Variants in XKR9 observed in about 807,000 individuals in gnomAD.
The protein encoded by XKR9 is XK-related protein 9.
In XKR9, 32 loss-of-function variants were observed where a neutral mutation model predicts 32.0. The observed-to-expected ratio is 1.00, with a 90% CI of 0.76 to 1.34. The LOEUF (loss-of-function observed/expected upper bound fraction) is 1.34. Ranked by LOEUF, XKR9 falls within the 40% of genes most tolerant of loss-of-function variation. The pLI is 0.00. For missense variants in XKR9, 546 were observed against 429.7 expected, an observed-to-expected ratio of 1.27 and a Z score of -2.39; for synonymous variants, 168 against 143.4, an observed-to-expected ratio of 1.17 and a Z score of -1.22.
chr8:70,765,268 T>A (rs1250827511), intron 2 of XKR9, among the ~76,000 whole-genome samples: 1 of 152,222 alleles, frequency 6.6e-6, no homozygotes, highest in Non-Finnish European at 1.5e-5. Flanking sequence ...TTTCCTGAAT[T>A]TTTAATGATC....
the XKR9 span, among the ~76,000 whole-genome samples, chr8:71,028,214 T>G: frequency 6.6e-6 from 1 of 152,240 alleles, no homozygotes; most frequent in Non-Finnish European, 1.5e-5. Context: ...TCTTTCCATT[T>G]ATTTGTGTTT....
At chr8:70,971,368 T>C in the XKR9 span, among the ~76,000 whole-genome samples, 2 of 152,290 alleles carry the variant, frequency 1.3e-5, no homozygotes, top group South Asian at 4.1e-4. Flanking sequence ...ATTAGTCCTT[T>C]GTTGGATGTG....
At chr8:70,757,705 C>T (rs1807248061) in intron 2 of XKR9, among the ~76,000 whole-genome samples, 1 of 152,098 alleles carries the variant, frequency 6.6e-6, no homozygotes, top group Non-Finnish European at 1.5e-5. Context: ...CCTGCCTTAG[C>T]CTCCCCAAGT....
At chr8:70,988,327 C>A in the XKR9 span, among the ~76,000 whole-genome samples, 8 of 108,304 alleles carry the variant, frequency 7.4e-5, no homozygotes, top group Non-Finnish European at 1.0e-4. Context: ...TTTTACCATG[C>A]GTGGTTAAAA....
the XKR9 span, among the ~76,000 whole-genome samples, chr8:71,035,643 A>G: frequency 2.0e-5 from 3 of 152,330 alleles, no homozygotes; most frequent in South Asian, 6.2e-4. Flanking sequence ...GACACAAGTA[A>G]GGGCTCAGTA....
the XKR9 span, among the ~76,000 whole-genome samples, chr8:70,865,807 C>T: frequency 4.6e-5 from 7 of 152,310 alleles, no homozygotes; most frequent in African/African-American, 1.7e-4. Context: ...AACACTTTAA[C>T]CAATCTGCTT....
At chr8:70,943,607 T>C in the XKR9 span, among the ~76,000 whole-genome samples, 3 of 152,104 alleles carry the variant, frequency 2.0e-5, no homozygotes, top group East Asian at 1.9e-4. Flanking sequence ...TGCAAGGTAA[T>C]AGGTCTTTTT....
the XKR9 span, among the ~76,000 whole-genome samples, chr8:70,845,973 C>T: frequency 6.6e-6 from 1 of 151,918 alleles, no homozygotes; most frequent in Admixed American, 6.6e-5. Context: ...TAGATACAAC[C>T]CAAAAAGGCC....
chr8:70,703,540 A>G (rs547451994), intron 3 of XKR9, among the ~76,000 whole-genome samples: 29 of 152,160 alleles, frequency 1.9e-4, no homozygotes, highest in African/African-American at 6.7e-4. Flanking sequence ...CATTCATTTT[A>G]TCATCTTCAA....
the XKR9 span, among the ~76,000 whole-genome samples, chr8:70,905,373 T>C: frequency 6.6e-6 from 1 of 152,244 alleles, no homozygotes; most frequent in Admixed American, 6.5e-5. Context: ...ATTAATTTGA[T>C]CTTAATCACT....
the XKR9 span, among the ~76,000 whole-genome samples, chr8:70,920,313 T>G: frequency 6.6e-6 from 1 of 152,156 alleles, no homozygotes; most frequent in Non-Finnish European, 1.5e-5. Flanking sequence ...TAAACAAAAT[T>G]TAGTCAATAA....
chr8:70,872,091 G>T, the XKR9 span, among the ~76,000 whole-genome samples: 1 of 152,162 alleles, frequency 6.6e-6, no homozygotes, highest in Admixed American at 6.5e-5. Flanking sequence ...AATTGTGAAT[G>T]CAAAGAAACT....
chr8:71,045,922 G>A, the XKR9 span, among the ~76,000 whole-genome samples: 9 of 152,272 alleles, frequency 5.9e-5, no homozygotes, highest in Non-Finnish European at 8.8e-5. Flanking sequence ...AGGCTGCCAC[G>A]TGGGAGTCGG....
the XKR9 span, among the ~76,000 whole-genome samples, chr8:71,037,636 A>G: frequency 6.6e-6 from 1 of 152,216 alleles, no homozygotes; most frequent in South Asian, 2.1e-4. Context: ...CACTAGGTTT[A>G]AATAAGGTCC....
chr8:70,834,555 G>C, the XKR9 span, among the ~76,000 whole-genome samples: 59 of 152,066 alleles, frequency 3.9e-4, no homozygotes, highest in Non-Finnish European at 6.0e-4. Context: ...TTAAATTCCT[G>C]TTTTTATTCA....
chr8:70,915,644 A>G, the XKR9 span, among the ~76,000 whole-genome samples: 4 of 152,220 alleles, frequency 2.6e-5, no homozygotes, highest in Non-Finnish European at 5.9e-5. Context: ...TTTTGTCTAT[A>G]GGATGAAGTA....
chr8:70,849,755 A>C, the XKR9 span, among the ~76,000 whole-genome samples: 1 of 152,188 alleles, frequency 6.6e-6, no homozygotes, highest in Non-Finnish European at 1.5e-5. Context: ...GAGAAGAATC[A>C]AATAGACACA....
At chr8:70,820,774 C>T in the XKR9 span, among the ~76,000 whole-genome samples, 11 of 152,246 alleles carry the variant, frequency 7.2e-5, no homozygotes, top group East Asian at 1.9e-4. Context: ...CGTGAGAACT[C>T]GCTCATTATC....
intron 3 of XKR9, among the ~76,000 whole-genome samples, chr8:70,705,333 A>G (rs1018601630): frequency 6.6e-6 from 1 of 152,210 alleles, no homozygotes; most frequent in East Asian, 1.9e-4. Context: ...ATAATAAACA[A>G]AAATAAATAA....
Sources: allele counts gnomAD v4.1 joint callset (sites outside exome capture counted in the v4.1 genomes callset), GRCh38; gene constraint gnomAD v4.1.1; transcripts MANE v1.5; gene names NCBI Gene and HGNC (gene_info 2026-07-23, HGNC 2026-07-21).